Variants in TENM3 observed in about 807,000 individuals in gnomAD.
The protein encoded by TENM3 is teneurin-3.
A neutral mutation model predicts 255.1 loss-of-function variants in TENM3; 63 were observed. The ratio of observed to expected loss-of-function variants is 0.25; its 90% CI spans 0.20 to 0.30. TENM3 has a LOEUF of 0.30. Ranked by LOEUF, TENM3 falls within the 10% of genes least tolerant of loss-of-function variation. TENM3 has a pLI of 1.00. For missense variants in TENM3, 2,929 were observed against 3,461.1 expected, an observed-to-expected ratio of 0.85 and a Z score of 3.86; for synonymous variants, 1,306 against 1,322.3, an observed-to-expected ratio of 0.99 and a Z score of 0.27.
At chr4:182,360,584 C>T (rs2150773510) in intron 3 of TENM3, among the ~76,000 whole-genome samples, 1 of 152,284 alleles carries the variant, frequency 6.6e-6, no homozygotes, top group South Asian at 2.1e-4. Flanking sequence ...GTAGGTCTTC[C>T]TCCATCCTTT....
the TENM3 span, among the ~76,000 whole-genome samples, chr4:181,937,894 C>T: frequency 6.6e-6 from 1 of 152,222 alleles, no homozygotes; most frequent in African/African-American, 2.4e-5. Flanking sequence ...CATGACCCCA[C>T]TTAAGATGTG....
At chr4:182,010,152 G>A in the TENM3 span, among the ~76,000 whole-genome samples, 3 of 152,008 alleles carry the variant, frequency 2.0e-5, no homozygotes, top group Non-Finnish European at 2.9e-5. Flanking sequence ...TCTTGGCCCC[G>A]CCCCCCAAAA....
At chr4:181,552,936 G>A in the TENM3 span, among the ~76,000 whole-genome samples, 3 of 152,082 alleles carry the variant, frequency 2.0e-5, no homozygotes, top group South Asian at 2.1e-4. Flanking sequence ...ACACAGACAC[G>A]CACGCACCAC....
chr4:181,460,124 A>G, the TENM3 span, among the ~76,000 whole-genome samples: 4,212 of 152,032 alleles, frequency 0.028, 335 homozygotes, highest in East Asian at 0.23. Flanking sequence ...TATTGTCACA[A>G]ATACATAGAA....
At chr4:182,256,910 T>C (rs1214493355) in intron 1 of TENM3, among the ~76,000 whole-genome samples, 2 of 151,584 alleles carry the variant, frequency 1.3e-5, no homozygotes, top group Non-Finnish European at 2.9e-5. Flanking sequence ...TAAAAATAAT[T>C]ATTAAAAAAA....
At chr4:181,546,584 G>C in the TENM3 span, among the ~76,000 whole-genome samples, 2 of 141,554 alleles carry the variant, frequency 1.4e-5, no homozygotes, top group African/African-American at 2.6e-5. Context: ...CGTGGTGGCG[G>C]ACGCCTGTAG....
chr4:181,927,200 G>A, the TENM3 span, among the ~76,000 whole-genome samples: 1 of 152,202 alleles, frequency 6.6e-6, no homozygotes, highest in African/African-American at 2.4e-5. Flanking sequence ...AGTCCAGGGA[G>A]CCAAGTGGTC....
intron 6 of TENM3, among the ~76,000 whole-genome samples, chr4:182,663,166 G>C (rs1754367722): frequency 6.6e-6 from 1 of 152,184 alleles, no homozygotes; most frequent in African/African-American, 2.4e-5. Context: ...GTAATAACTT[G>C]AAGCAAATAG....
At chr4:181,974,621 G>A in the TENM3 span, among the ~76,000 whole-genome samples, 14 of 152,150 alleles carry the variant, frequency 9.2e-5, no homozygotes, top group African/African-American at 3.4e-4. Context: ...GAGCAAGAGG[G>A]AAGCAGCAAC....
chr4:181,735,084 A>C, the TENM3 span, among the ~76,000 whole-genome samples: 1 of 152,172 alleles, frequency 6.6e-6, no homozygotes, highest in South Asian at 2.1e-4. Context: ...TGGGTATGTA[A>C]AAAATATATA....
the TENM3 span, among the ~76,000 whole-genome samples, chr4:182,072,794 A>G: frequency 4.6e-5 from 7 of 152,118 alleles, no homozygotes; most frequent in Non-Finnish European, 1.0e-4. Context: ...CCTCCATCTC[A>G]TCTTCATGCC....
At chr4:182,691,555 G>T (rs528550984) in intron 12 of TENM3, among the ~76,000 whole-genome samples, 2 of 152,102 alleles carry the variant, frequency 1.3e-5, no homozygotes, top group East Asian at 1.9e-4. Context: ...TACCTGAAAG[G>T]GTTCTATTCT....
At chr4:181,601,833 T>C in the TENM3 span, among the ~76,000 whole-genome samples, 1 of 152,084 alleles carries the variant, frequency 6.6e-6, no homozygotes, top group Non-Finnish European at 1.5e-5. Flanking sequence ...GGCTTCAACC[T>C]ATGAATTTCA....
At chr4:182,694,074 G>C (rs1017733113) in intron 12 of TENM3, among the ~76,000 whole-genome samples, 5 of 151,910 alleles carry the variant, frequency 3.3e-5, no homozygotes, top group African/African-American at 1.2e-4. Flanking sequence ...TTTGGGTTAA[G>C]GGTTTGAGGG....
At chr4:182,732,526 T>A (rs1358010995) in intron 16 of TENM3, among the ~76,000 whole-genome samples, 2 of 152,318 alleles carry the variant, frequency 1.3e-5, no homozygotes, top group East Asian at 3.9e-4. Flanking sequence ...GGATGTTAGG[T>A]GTAATAATAA....
chr4:182,483,237 A>G (rs1212734876), intron 3 of TENM3, among the ~76,000 whole-genome samples: 2 of 152,178 alleles, frequency 1.3e-5, no homozygotes, highest in Non-Finnish European at 2.9e-5. Context: ...CACATTATCA[A>G]CGTGTCTCTG....
intron 12 of TENM3, among the ~76,000 whole-genome samples, chr4:182,695,292 G>A (rs1210467703): frequency 6.6e-6 from 1 of 152,080 alleles, no homozygotes; most frequent in African/African-American, 2.4e-5. Flanking sequence ...AAATGTCAGG[G>A]TCCTTCATTT....
chr4:182,536,166 G>C (rs1269975275), intron 3 of TENM3, among the ~76,000 whole-genome samples: 2 of 152,158 alleles, frequency 1.3e-5, no homozygotes, highest in Non-Finnish European at 2.9e-5. Context: ...TTTATTTTCT[G>C]TTTATAGCAA....
At chr4:182,453,926 G>GT (rs1186481362) in intron 3 of TENM3, among the ~76,000 whole-genome samples, 1 of 152,048 alleles carries the variant, frequency 6.6e-6, no homozygotes, top group African/African-American at 2.4e-5. Flanking sequence ...CTGCTTCAAA[G>GT]TTGTACATTA....
Sources: allele counts gnomAD v4.1 joint callset (sites outside exome capture counted in the v4.1 genomes callset), GRCh38; gene constraint gnomAD v4.1.1; transcripts MANE v1.5; gene names NCBI Gene and HGNC (gene_info 2026-07-23, HGNC 2026-07-21).